NLGN4X: variants seen among roughly 807,000 people sequenced by gnomAD.
NLGN4X encodes neuroligin 4 X-linked.
In NLGN4X, 3 loss-of-function variants were observed where a neutral mutation model predicts 40.3. That is an observed-to-expected ratio of 0.07 (90% CI 0.03 to 0.19). The LOEUF (loss-of-function observed/expected upper bound fraction) is 0.19, where lower values mean the gene tolerates loss of function less well. Ranked by LOEUF, NLGN4X falls within the 10% of genes least tolerant of loss-of-function variation. The probability of loss-of-function intolerance (pLI) is 1.00; values close to 1 mark genes in which losing one functional copy is unlikely to be tolerated. For synonymous variants in NLGN4X, 270 were observed against 306.8 expected (o/e 0.88, Z 1.25); for missense variants, 382 against 708.3 (o/e 0.54, Z 5.23).
chrX:5,923,691 T>C (rs902428013), intron 3 of NLGN4X, among the ~76,000 whole-genome samples: 2 of 111,754 alleles, frequency 1.8e-5, no homozygotes, highest in African/African-American at 3.3e-5. Context: ...GCCCCCATGA[T>C]TCACTTGCCT....
chrX:5,955,815 TAAA>T (rs10672564), intron 3 of NLGN4X, among the ~76,000 whole-genome samples: 1 of 90,242 alleles, frequency 1.1e-5, no homozygotes, highest in Non-Finnish European at 2.1e-5. Context: ...ACAACCACAC[TAAA>T]AAAAAAAAAA....
intron 4 of NLGN4X, among the ~76,000 whole-genome samples, chrX:5,907,496 C>A (rs922642318): frequency 9.8e-5 from 11 of 111,995 alleles, no homozygotes; most frequent in Non-Finnish European, 1.7e-4. Context: ...GCAGCATAAC[C>A]ATCTACTGCT....
intron 2 of NLGN4X, among the ~76,000 whole-genome samples, chrX:6,086,148 T>C (rs2038491142): frequency 8.9e-6 from 1 of 112,204 alleles, no homozygotes; most frequent in African/African-American, 3.2e-5. Context: ...AAATGAATTA[T>C]GCCAAGTGAG....
At chrX:6,009,872 T>C (rs2147153516) in intron 3 of NLGN4X, among the ~76,000 whole-genome samples, 1 of 112,730 alleles carries the variant, frequency 8.9e-6, no homozygotes, top group South Asian at 3.7e-4. Flanking sequence ...GAATCTGCTC[T>C]CTGTTCACAG....
At chrX:5,972,299 A>G (rs139314470) in intron 3 of NLGN4X, among the ~76,000 whole-genome samples, 7,527 of 110,974 alleles carry the variant, frequency 0.068, 631 homozygotes, top group African/African-American at 0.23. Context: ...GCAAACTACC[A>G]AACTATGAAT....
intron 3 of NLGN4X, among the ~76,000 whole-genome samples, chrX:6,026,187 T>G (rs1445077845): frequency 1.8e-5 from 2 of 110,730 alleles, no homozygotes; most frequent in African/African-American, 3.3e-5. Context: ...TGGGCATGTT[T>G]CATCTTTTTA....
intron 3 of NLGN4X, among the ~76,000 whole-genome samples, chrX:5,941,180 G>GGTGTGTGTGTGTGT (rs3220455): frequency 1.7e-5 from 1 of 58,623 alleles, no homozygotes; most frequent in East Asian, 9.0e-4. Flanking sequence ...TATGCTAGGG[G>GGTGTGTGTGTGTGT]GTGTGTGTGT....
chrX:6,027,819 A>AT (rs1417822849), intron 3 of NLGN4X, among the ~76,000 whole-genome samples: 2 of 82,734 alleles, frequency 2.4e-5, no homozygotes, highest in Non-Finnish European at 5.2e-5. Context: ...TAGTATTATT[A>AT]TTATTTTTTT....
At chrX:6,017,803 T>C (rs1475751553) in intron 3 of NLGN4X, among the ~76,000 whole-genome samples, 1 of 111,720 alleles carries the variant, frequency 9.0e-6, no homozygotes, top group Non-Finnish European at 1.9e-5. Flanking sequence ...TACTCTGCAG[T>C]GTACATGAAA....
At position 5,952,919 on chromosome X, in the gene NLGN4X, C is replaced by G. The variant is rs181839816; in HGVS notation, c.626-43680G>C. Among the ~76,000 whole-genome samples the G allele has an allele frequency of 1.9e-3, 218 of 112,132 alleles. 1 individual carries two copies. Among genetic ancestry groups the G allele is most frequent in the African/African-American group, 6.2e-3 (190 of 30,884 alleles). ...ATCTGATGAGCATCAATGTAACTTT[C>G]TCTGCTTATACATTAACAGAGAAAC... On this transcript the variant is annotated intron_variant, in intron 3 of 5. Transcript: ENST00000381095.
At chrX:6,166,109 T>C (rs2040490546) in intron 1 of NLGN4X, among the ~76,000 whole-genome samples, 1 of 112,356 alleles carries the variant, frequency 8.9e-6, no homozygotes, top group Non-Finnish European at 1.9e-5. Flanking sequence ...TTAACACTGT[T>C]ATCACAGATA....
intron 3 of NLGN4X, among the ~76,000 whole-genome samples, chrX:6,021,002 TTCTC>T (rs869309615): frequency 2.0e-3 from 47 of 24,073 alleles, no homozygotes; most frequent in East Asian, 2.6e-3. Context: ...CTTCCTTCTT[TTCTC>T]TCTCTCTCTC....
intron 3 of NLGN4X, among the ~76,000 whole-genome samples, chrX:5,964,915 T>C (rs1403819198): frequency 8.9e-6 from 1 of 112,200 alleles, no homozygotes; most frequent in African/African-American, 3.2e-5. Flanking sequence ...GAAGAGAACC[T>C]CTTCTAGATA....
intron 3 of NLGN4X, among the ~76,000 whole-genome samples, chrX:5,916,407 T>A (rs2032795448): frequency 9.1e-6 from 1 of 110,213 alleles, no homozygotes; most frequent in East Asian, 2.8e-4. Flanking sequence ...CAAGAAAAAA[T>A]AGTGGGCTAC....
At chrX:6,151,853 CACA>C (rs2040172446) in intron 1 of NLGN4X, 82 bp from the exon 2 acceptor site, 1 of 237,233 alleles carries the variant, frequency 4.2e-6, no homozygotes, top group Non-Finnish European at 7.6e-6. Context: ...CCACGAAATC[CACA>C]ACATCTCTCT....
Position 6,219,544 on chromosome X carries a change from TTTTCTTTCTTTC to T in NLGN4X, c.-306+8985_-306+8996del, listed in dbSNP as rs200235998. On this transcript the variant is annotated intron_variant, in intron 1 of 5. Transcript: ENST00000381095. ...GCTTCCTTTCTTCCTTCCTTTTCTC[TTTTCTTTCTTTC>T]TTTCTTTCTTTCTTTCTTCCTTCCT... 9.8e-3 allele frequency among the ~76,000 whole-genome samples: 929 copies of T among 94,666 alleles called. 4 individuals are homozygous for T. The highest frequency in any genetic ancestry group is 0.015 in the Non-Finnish European group (718 of 48,402). The allele number at this position is 94,666 out of a possible 115,157, so 82.2% of individuals were successfully genotyped here. A position where few individuals can be genotyped will look rare whatever the true frequency, so the allele number is the denominator to read the frequency against.
chrX:6,171,036 C>T (rs753739135), intron 1 of NLGN4X, among the ~76,000 whole-genome samples: 1 of 112,060 alleles, frequency 8.9e-6, no homozygotes, highest in Non-Finnish European at 1.9e-5. Flanking sequence ...ATTGCCCAGG[C>T]TGGTCTCGAA....
At chrX:6,182,639 G>T (rs1449153296) in intron 1 of NLGN4X, among the ~76,000 whole-genome samples, 1 of 111,829 alleles carries the variant, frequency 8.9e-6, no homozygotes, top group Non-Finnish European at 1.9e-5. Flanking sequence ...AGATGATCCT[G>T]GGTTAGCTGG....
chrX:6,172,229 T>C (rs1035153059), intron 1 of NLGN4X, among the ~76,000 whole-genome samples: 1 of 112,490 alleles, frequency 8.9e-6, no homozygotes, highest in Non-Finnish European at 1.9e-5. Flanking sequence ...AATCTCGCAA[T>C]GTGCTTTTGT....
Sources: gnomAD v4.1 joint callset for allele counts (sites outside exome capture counted in the v4.1 genomes callset) on GRCh38, gnomAD v4.1.1 for gene constraint, MANE v1.5 for transcripts, NCBI Gene and HGNC (gene_info 2026-07-23, HGNC 2026-07-21) for gene names.